Variants in COL21A1 observed in about 807,000 individuals in gnomAD.
The protein encoded by COL21A1 is collagen type XXI alpha 1 chain.
Under a neutral mutation model 137.9 loss-of-function variants are expected in COL21A1, and 149 were observed. The ratio of observed to expected loss-of-function variants is 1.08; its 90% CI spans 0.95 to 1.24. The LOEUF (loss-of-function observed/expected upper bound fraction) is 1.24, where lower values mean the gene tolerates loss of function less well. Among genes scored for constraint, COL21A1 ranks in the 50% most tolerant of loss-of-function variants. The pLI is 0.00. For synonymous variants in COL21A1, 456 were observed against 391.5 expected (o/e 1.16, Z -1.95); for missense variants, 1,167 against 1,158.4 (o/e 1.01, Z -0.11).
intron 1 of COL21A1, among the ~76,000 whole-genome samples, chr6:56,213,303 C>T (rs1350100931): frequency 6.6e-6 from 1 of 152,026 alleles, no homozygotes; most frequent in African/African-American, 2.4e-5. Context: ...GTGATGTTTT[C>T]ACTTACATTA....
intron 16 of COL21A1, among the ~76,000 whole-genome samples, chr6:56,108,415 G>A (rs763882227): frequency 2.0e-5 from 3 of 151,948 alleles, no homozygotes. Flanking sequence ...AAGGATGGGC[G>A]AAGGTGCAGC....
intron 10 of COL21A1, among the ~76,000 whole-genome samples, chr6:56,143,359 C>A (rs1208515929): frequency 6.6e-6 from 1 of 151,828 alleles, no homozygotes; most frequent in African/African-American, 2.4e-5. Flanking sequence ...CACCACCACA[C>A]CCAGCTAATT....
chr6:56,252,951 C>T (rs1370513752), intron 1 of COL21A1, among the ~76,000 whole-genome samples: 1 of 152,182 alleles, frequency 6.6e-6, no homozygotes, highest in Non-Finnish European at 1.5e-5. Context: ...ATAAACACCT[C>T]CAGTTTGATG....
intron 1 of COL21A1, among the ~76,000 whole-genome samples, chr6:56,384,131 A>G (rs2094013509): frequency 6.6e-6 from 1 of 152,098 alleles, no homozygotes; most frequent in Admixed American, 6.6e-5. Context: ...AAATTGGGGG[A>G]AAGACACTTA....
At chr6:56,143,168 T>C (rs73461358) in intron 10 of COL21A1, among the ~76,000 whole-genome samples, 2,585 of 151,844 alleles carry the variant, frequency 0.017, 71 homozygotes, top group African/African-American at 0.06. Flanking sequence ...CAGTTACTTA[T>C]AGAATGAATG....
chr6:56,259,198 T>C (rs1763189018), intron 1 of COL21A1, among the ~76,000 whole-genome samples: 1 of 152,194 alleles, frequency 6.6e-6, no homozygotes, highest in Admixed American at 6.5e-5. Context: ...GCATTCTGCA[T>C]TGGATTGTGA....
At chr6:56,170,915 C>T in intron 4 of COL21A1, 45 bp downstream of exon 4, 1 of 1,588,448 alleles carries the variant, frequency 6.3e-7, no homozygotes, top group East Asian at 2.2e-5. Flanking sequence ...GACATGTCCA[C>T]AGACATATCC....
chr6:56,365,731 G>A (rs1332639285), intron 1 of COL21A1, among the ~76,000 whole-genome samples: 2 of 152,154 alleles, frequency 1.3e-5, no homozygotes, highest in Non-Finnish European at 2.9e-5. Flanking sequence ...ATATGTCAAT[G>A]CCTCACAGAC....
chr6:56,114,883 T>C (rs1435629820), intron 16 of COL21A1, among the ~76,000 whole-genome samples: 6 of 145,710 alleles, frequency 4.1e-5, no homozygotes, highest in African/African-American at 1.5e-4. Context: ...CGTATGTTTA[T>C]TGTGGCATTA....
chr6:56,168,204 G>C lies in COL21A1; in HGVS notation c.1120C>G (p.Pro374Ala), dbSNP rs1776740347. The change falls in exon 6 of 30, where the codon CCC (proline) becomes GCC (alanine). Residue 374 changes from proline (P) to alanine (A), a missense_variant. By Grantham distance (27) the Pro-to-Ala change is conservative. Coordinates refer to ENST00000244728, the MANE Select transcript of COL21A1 (RefSeq NM_030820.4). ...YIDDQQIENKPLHPVLGILIN... is the reference protein window; with the variant it reads ...YIDDQQIENKALHPVLGILIN... The stretch of plus-strand genomic sequence containing the variant: ...AAGATCCCTAAAACTGGATGTAAGG[G>C]CTTGTTTTCAATTTGTTGGTCATCA... 6.4e-7 allele frequency: 1 copy of C among 1,565,866 alleles called. No homozygotes were observed. Among genetic ancestry groups the C allele is most frequent in the Admixed American group, 1.9e-5 (1 of 53,972 alleles).
At chr6:56,161,703 TACAGTCTAGTG>T (rs1776219301) in intron 9 of COL21A1, among the ~76,000 whole-genome samples, 2 of 152,190 alleles carry the variant, frequency 1.3e-5, no homozygotes, top group South Asian at 4.1e-4. Context: ...TCCAGGAGAT[TACAGTCTAGTG>T]ACAGATAATT....
chr6:56,208,712 G>C lies in COL21A1; in HGVS notation c.-38-26056C>G, dbSNP rs185422883. On this transcript the variant is annotated intron_variant, in intron 1 of 29. Transcript: ENST00000244728. ...TGGAAACCGAAAAAGAGCCCACATA[G>C]CCAAGACAATCCTAGGTAAAAAGAA... 2.2e-3 allele frequency among the ~76,000 whole-genome samples: 332 copies of C among 152,220 alleles called. 1 individual carries two copies. The highest frequency in any genetic ancestry group is 3.0e-3 in the Non-Finnish European group (207 of 68,006).
At position 56,226,611 on chromosome 6, in the gene COL21A1, C is replaced by T. The variant is rs997737903; in HGVS notation, c.-39+20776G>A. Among the ~76,000 whole-genome samples, 95 of 151,946 alleles carry T rather than the reference C, an allele frequency of 6.3e-4. 5 individuals carry two copies. The highest frequency in any genetic ancestry group is 2.9e-5 in the Non-Finnish European group (2 of 67,946). On this transcript the variant is annotated intron_variant, in intron 1 of 29. Coordinates refer to ENST00000244728, the MANE Select transcript of COL21A1 (RefSeq NM_030820.4). ...TTGGAGGCCAAAGCTAACTGGCAAG[C>T]CTAATTTGAGTCACACTGTGAAACC...
intron 1 of COL21A1, among the ~76,000 whole-genome samples, chr6:56,341,664 A>C (rs9475675): frequency 0.088 from 13,377 of 152,122 alleles, 876 homozygotes; most frequent in African/African-American, 0.19. Context: ...GATATGTGTC[A>C]TTATACATTT....
chr6:56,253,227 GA>G lies in COL21A1; in HGVS notation c.-38-70572del, dbSNP rs1240168530. Among the ~76,000 whole-genome samples the G allele has an allele frequency of 2.0e-5, 3 of 152,292 alleles. No homozygotes were observed. In the East Asian group the frequency reaches 5.8e-4, roughly 29 times the overall value. The stretch of plus-strand genomic sequence containing the variant: ...TATAGACCTTGGGCTGCTGTTTCCA[GA>G]AACATCACAGCCCAGAGGCCTATGA... On this transcript the variant is annotated intron_variant, in intron 1 of 28. Coordinates refer to the COL21A1 transcript ENST00000370819.
Position 56,211,527 on chromosome 6 carries a change from G to A in COL21A1, c.-38-28871C>T, listed in dbSNP as rs77901364. 8.3e-3 allele frequency among the ~76,000 whole-genome samples: 1,258 copies of A among 151,984 alleles called. 20 individuals carry two copies. The highest frequency in any genetic ancestry group is 0.029 in the African/African-American group (1,212 of 41,452). ...ATGCAGGGTAGTAATGTAAACAGCC[G>A]TGGCAGGCAGGAAAGTCCTATATTG... On this transcript the variant is annotated intron_variant, in intron 1 of 29. Coordinates refer to ENST00000244728, the MANE Select transcript of COL21A1 (RefSeq NM_030820.4).
chr6:56,075,376 G>C (rs1210018626), intron 19 of COL21A1, 103 bp downstream of exon 19: 3 of 811,422 alleles, frequency 3.7e-6, no homozygotes, highest in Non-Finnish European at 3.9e-6. Flanking sequence ...ATATTTTATT[G>C]CTGTATCCCC....
Position 56,075,462 on chromosome 6 carries a change from T to C in COL21A1, c.1911+17A>G, listed in dbSNP as rs1767146511. The C allele has an allele frequency of 3.3e-6, 5 of 1,533,260 alleles. No homozygotes were observed. In the Middle Eastern group the frequency reaches 5.1e-4, roughly 155 times the overall value. The allele number at this position is 1,533,260 out of a possible 1,614,324, so 95.0% of individuals were successfully genotyped here. A position where few individuals can be genotyped will look rare whatever the true frequency, so the allele number is the denominator to read the frequency against. On this transcript the variant is annotated intron_variant, in intron 19 of 29. Transcript: ENST00000244728. Reference sequence around the variant, plus strand: ...CTGCAAACACTTTGATGTATGATGATAATGACATCAACATACAGGCATCCC... The same window carrying C: ...CTGCAAACACTTTGATGTATGATGACAATGACATCAACATACAGGCATCCC...
At chr6:56,129,898 A>T in intron 12 of COL21A1, among the ~76,000 whole-genome samples, 1 of 150,708 alleles carries the variant, frequency 6.6e-6, no homozygotes, top group East Asian at 2.0e-4. Flanking sequence ...CCCCTACCAT[A>T]TGAACTCCTA....
Sources: allele counts gnomAD v4.1 joint callset (sites outside exome capture counted in the v4.1 genomes callset), GRCh38; gene constraint gnomAD v4.1.1; transcripts MANE v1.5; gene names NCBI Gene and HGNC (gene_info 2026-07-23, HGNC 2026-07-21).